VPS26A: variants seen among roughly 807,000 people sequenced by gnomAD.
VPS26A encodes VPS26 retromer complex component A, also known as vacuolar protein sorting-associated protein 26A.
Under a neutral mutation model 42.4 loss-of-function variants are expected in VPS26A, and 22 were observed. That is an observed-to-expected ratio of 0.52 (90% CI 0.37 to 0.74). The LOEUF is 0.74. Among genes scored for constraint, VPS26A ranks in the 30% least tolerant of loss-of-function variants. The probability of loss-of-function intolerance (pLI) is 0.00; values close to 1 mark genes in which losing one functional copy is unlikely to be tolerated. For missense variants in VPS26A, 276 were observed against 379.2 expected, an observed-to-expected ratio of 0.73 and a Z score of 2.26; for synonymous variants, 110 against 123.5, an observed-to-expected ratio of 0.89 and a Z score of 0.73.
intron 2 of VPS26A, among the ~76,000 whole-genome samples, chr10:69,139,725 T>C (rs545204645): frequency 1.2e-4 from 19 of 152,346 alleles, no homozygotes; most frequent in African/African-American, 4.3e-4. Context: ...TTTATTCCAT[T>C]CCTTTGCTTT....
intron 2 of VPS26A, among the ~76,000 whole-genome samples, chr10:69,142,182 CTTT>C (rs143922304): frequency 7.1e-4 from 60 of 84,912 alleles, no homozygotes; most frequent in African/African-American, 2.3e-3. Flanking sequence ...CATACCAGGC[CTTT>C]TTTTTTTTTT....
intron 1 of VPS26A, among the ~76,000 whole-genome samples, chr10:69,127,834 C>G (rs1445893664): frequency 2.0e-5 from 3 of 146,846 alleles, no homozygotes; most frequent in Non-Finnish European, 3.0e-5. Flanking sequence ...GTAGCTGGGA[C>G]TGCAGGCACA....
At chr10:69,131,555 A>G (rs1302051474) in intron 1 of VPS26A, among the ~76,000 whole-genome samples, 1 of 152,210 alleles carries the variant, frequency 6.6e-6, no homozygotes, top group Non-Finnish European at 1.5e-5. Flanking sequence ...TAACATAGTG[A>G]AACCCTGTCT....
At chr10:69,132,338 AG>A (rs1840799114) in intron 1 of VPS26A, among the ~76,000 whole-genome samples, 1 of 97,250 alleles carries the variant, frequency 1.0e-5, no homozygotes. Context: ...AAATTTGTTT[AG>A]GGTTTTTTTT....
rs1266095956 is a variant in VPS26A, at chr10:69,133,015, C to G, written c.121C>G (p.Leu41Val). 6.2e-7 allele frequency: 1 copy of G among 1,610,986 alleles called. No homozygotes were observed. Among genetic ancestry groups the G allele is most frequent in the Non-Finnish European group, 8.5e-7 (1 of 1,179,340 alleles). ...AGATGGCAAAGTAGAAAAACACTAT[C>G]TCTTCTATGACGGAGAATCCGTTTC... ...TEDGKVEKHY[L>V]FYDGESVSGK... The change falls in exon 2 of 9, where the codon CTC (leucine) becomes GTC (valine). Residue 41 changes from leucine (L) to valine (V), a missense_variant. Leu to Val is a conservative substitution (Grantham distance 32). Coordinates refer to ENST00000263559, the MANE Select transcript of VPS26A (RefSeq NM_004896.5).
intron 2 of VPS26A, among the ~76,000 whole-genome samples, chr10:69,141,331 G>C (rs1011004300): frequency 2.0e-5 from 3 of 152,194 alleles, no homozygotes; most frequent in African/African-American, 4.8e-5. Flanking sequence ...AGTTAGCTGA[G>C]GGCCTTATTC....
chr10:69,165,952 A>G, intron 6 of VPS26A, 90 bp from the exon 7 acceptor site: 1 of 1,312,786 alleles, frequency 7.6e-7, no homozygotes, highest in Non-Finnish European at 1.1e-6. Flanking sequence ...TCTCTAAAAA[A>G]AAATAATGTA....
chr10:69,131,660 G>A (rs1379409835), intron 1 of VPS26A, among the ~76,000 whole-genome samples: 2 of 151,964 alleles, frequency 1.3e-5, no homozygotes, highest in African/African-American at 2.4e-5. Context: ...GTGAACCCGG[G>A]AGGCGGAGCT....
intron 5 of VPS26A, among the ~76,000 whole-genome samples, chr10:69,160,543 C>T (rs1252043576): frequency 6.6e-6 from 1 of 151,878 alleles, no homozygotes; most frequent in Non-Finnish European, 1.5e-5. Flanking sequence ...CCTCTACCTC[C>T]TGAGTTCAAG....
chr10:69,136,765 CT>C (rs1043734975), intron 2 of VPS26A, among the ~76,000 whole-genome samples: 2 of 150,500 alleles, frequency 1.3e-5, no homozygotes, highest in Non-Finnish European at 2.9e-5. Context: ...GACCTTTTTC[CT>C]TTTTTGGCCT....
intron 5 of VPS26A, among the ~76,000 whole-genome samples, chr10:69,159,720 A>C (rs1841511017): frequency 6.6e-6 from 1 of 152,190 alleles, no homozygotes; most frequent in Non-Finnish European, 1.5e-5. Context: ...TATATCTAAA[A>C]ATATTAGTAA....
At chr10:69,137,168 T>A (rs10823303) in intron 2 of VPS26A, among the ~76,000 whole-genome samples, 33,291 of 152,034 alleles carry the variant, frequency 0.22, 3,884 homozygotes, top group African/African-American at 0.24. Context: ...TCTCAATAAC[T>A]TATATAAACT....
chr10:69,169,041 T>C (rs1218335481), intron 8 of VPS26A, among the ~76,000 whole-genome samples: 4 of 151,220 alleles, frequency 2.6e-5, no homozygotes, highest in Non-Finnish European at 4.4e-5. Flanking sequence ...TTTTTTTTTT[T>C]CTTACTGTTT....
At chr10:69,147,042 A>G (rs1232257984) in intron 2 of VPS26A, among the ~76,000 whole-genome samples, 1 of 152,206 alleles carries the variant, frequency 6.6e-6, no homozygotes, top group Non-Finnish European at 1.5e-5. Context: ...GCCTCCAGCA[A>G]TATATAAGGG....
intron 7 of VPS26A, 57 bp downstream of exon 7, chr10:69,166,167 G>A: frequency 6.7e-7 from 1 of 1,490,466 alleles, no homozygotes; most frequent in Non-Finnish European, 9.3e-7. Flanking sequence ...GTTCATGGCA[G>A]TTTTGTTTGT....
chr10:69,156,345 T>C (rs1204977661), intron 3 of VPS26A, among the ~76,000 whole-genome samples: 2 of 152,180 alleles, frequency 1.3e-5, no homozygotes, highest in African/African-American at 4.8e-5. Flanking sequence ...GATCAACTTA[T>C]GTACATTTCC....
In VPS26A at chr10:69,131,282, A is replaced by G. The variant is rs914967384; in HGVS notation, c.4-1616A>G. ...AGTGTGAGCCAGCGCGCCCAGCCAG[A>G]TATGTTTTTTAAAGATCATTCAGAG... On this transcript the variant is annotated intron_variant, in intron 1 of 8. Transcript: ENST00000263559. Among the ~76,000 whole-genome samples, 9 of 152,246 alleles carry G rather than the reference A, an allele frequency of 5.9e-5. No individual in the cohort carries two copies. The East Asian group carries it at 1.2e-3, about 20-fold the overall frequency.
intron 5 of VPS26A, among the ~76,000 whole-genome samples, chr10:69,158,682 T>C (rs572878214): frequency 3.3e-5 from 5 of 152,250 alleles, no homozygotes; most frequent in African/African-American, 1.2e-4. Flanking sequence ...TTAAATTTTA[T>C]TATGGGAAAT....
At chr10:69,156,170 A>G (rs1464340103) in intron 3 of VPS26A, among the ~76,000 whole-genome samples, 2 of 151,642 alleles carry the variant, frequency 1.3e-5, no homozygotes, top group Non-Finnish European at 2.9e-5. Flanking sequence ...ATCTGCCTGC[A>G]TTTTTCACCA....
Sources: gnomAD v4.1 joint callset for allele counts (sites outside exome capture counted in the v4.1 genomes callset) on GRCh38, gnomAD v4.1.1 for gene constraint, MANE v1.5 for transcripts, NCBI Gene and HGNC (gene_info 2026-07-23, HGNC 2026-07-21) for gene names.